Variants in FIGNL2 observed in about 807,000 individuals in gnomAD.
The protein encoded by FIGNL2 is fidgetin-like protein 2.
For missense variants in FIGNL2, 1,060 were observed against 950.2 expected (o/e 1.12, Z -1.52); for synonymous variants, 565 against 484.0 (o/e 1.17, Z -2.20).
Position 51,821,566 on chromosome 12 carries a change from T to C in FIGNL2, c.848A>G (p.Tyr283Cys). The change falls in exon 2 of 2, where the codon TAC (tyrosine) becomes TGC (cysteine). Residue 283 changes from tyrosine (Y) to cysteine (C), a missense_variant. Physicochemically the swap from Tyr to Cys is radical, Grantham distance 194. Coordinates refer to ENST00000618634, the MANE Select transcript of FIGNL2 (RefSeq NM_001384995.1). ...AGCCACGGGGGCCTTGGCGGGCTCG[T>C]ACGCGTACTTGCGGTAGCGGCCCTC... ...GPEGRYRKYA[Y>C]EPAKAPVADG... 1 of 1,540,136 alleles carries C rather than the reference T, an allele frequency of 6.5e-7. No homozygotes were observed. Among genetic ancestry groups the C allele is most frequent in the South Asian group, 1.2e-5 (1 of 83,894 alleles).
In FIGNL2 at chr12:51,821,254, G is replaced by T; in HGVS notation, c.1160C>A (p.Pro387His). 5.2e-6 allele frequency: 8 copies of T among 1,526,010 alleles called. No homozygotes were observed. Among genetic ancestry groups the T allele is most frequent in the Non-Finnish European group, 7.0e-6 (8 of 1,142,608 alleles). 94.5% of individuals were successfully genotyped at this position (1,526,010 alleles called of 1,614,324 possible). The stretch of plus-strand genomic sequence containing the variant: ...CGCCACATCCGCCCACTGCACCGGG[G>T]GCCCGCAGTCCACCATCTTGCTCGT... Reference protein sequence around the residue: ...LVTSKMVDCGPPVQWADVAGQ... With the variant: ...LVTSKMVDCGHPVQWADVAGQ... The change falls in exon 2 of 2, where the codon CCC (proline) becomes CAC (histidine). Residue 387 changes from proline (P) to histidine (H), a missense_variant. Coordinates refer to ENST00000618634, the MANE Select transcript of FIGNL2 (RefSeq NM_001384995.1).
rs1039266481 is a variant in FIGNL2, at chr12:51,822,094, G to C, written c.320C>G (p.Pro107Arg). Residue 107 changes from proline to arginine, a missense_variant, in exon 2 of 2, where the codon CCC becomes CGC. By Grantham distance (103) the Pro-to-Arg change is moderately radical. Transcript: ENST00000618634. Reference sequence around the variant, plus strand: ...GAGGCCTTCGTGGAGTGAGGCCAAGGGGTAGGGTGGCTCCGGCCCTGGCCA... The same window carrying C: ...GAGGCCTTCGTGGAGTGAGGCCAAGCGGTAGGGTGGCTCCGGCCCTGGCCA... ...EPWPGPEPPYPLASLHEGLPG... is the reference protein window; with the variant it reads ...EPWPGPEPPYRLASLHEGLPG... The C allele has an allele frequency of 5.6e-6, 9 of 1,611,328 alleles. No individual in the cohort carries two copies. The highest frequency in any genetic ancestry group is 6.8e-6 in the Non-Finnish European group (8 of 1,178,934).
rs1173924386 is a variant in FIGNL2, at chr12:51,819,867, AAGAAC to A, written c.*580_*584del. The A allele has an allele frequency of 6.4e-6, 1 of 155,686 alleles. No homozygotes were observed. The highest frequency in any genetic ancestry group is 1.4e-5 in the Non-Finnish European group (1 of 70,412). 9.6% of individuals were successfully genotyped at this position (155,686 alleles called of 1,614,324 possible). ...TGCAAAGGGCCACTGCAGTCCAAAT[AAGAAC>A]AGAAGGCAGGGAAAGGCATTAAAGC... On this transcript the variant is annotated 3_prime_UTR_variant, in exon 2 of 2. Transcript: ENST00000618634.
Position 51,821,763 on chromosome 12 carries a change from G to T in FIGNL2, c.651C>A (p.Gly217=), listed in dbSNP as rs1304710327. ...AGGYAAQPGY[G]ALPPPPGPPP... is the part of the protein sequence containing the mutation. Reference sequence around the variant, plus strand: ...GTGGGCCTGGGGGCGGCGGGAGCGCGCCATAGCCGGGCTGCGCTGCGTAGC... The same window carrying T: ...GTGGGCCTGGGGGCGGCGGGAGCGCTCCATAGCCGGGCTGCGCTGCGTAGC... Residue 217 remains glycine, a synonymous_variant, in exon 2 of 2, where the codon GGC becomes GGA. Coordinates refer to ENST00000618634, the MANE Select transcript of FIGNL2 (RefSeq NM_001384995.1). The T allele has an allele frequency of 7.8e-7, 1 of 1,280,344 alleles. No homozygotes were observed. The highest frequency in any genetic ancestry group is 9.8e-7 in the Non-Finnish European group (1 of 1,020,140). 79.3% of individuals were successfully genotyped at this position (1,280,344 alleles called of 1,614,324 possible). A position where few individuals can be genotyped will look rare whatever the true frequency, so the allele number is the denominator to read the frequency against.
At chr12:51,839,824 T>C (rs1369108472) in intron 1 of FIGNL2, among the ~76,000 whole-genome samples, 1 of 152,218 alleles carries the variant, frequency 6.6e-6, no homozygotes, top group Non-Finnish European at 1.5e-5. Context: ...CTGGTACAAG[T>C]GGCTCTCTAG....
intron 1 of FIGNL2, among the ~76,000 whole-genome samples, chr12:51,838,695 G>A (rs564178614): frequency 7.9e-5 from 12 of 152,312 alleles, no homozygotes; most frequent in African/African-American, 2.9e-4. Flanking sequence ...ACTAGCTAGA[G>A]GGGCCACCCA....
chr12:51,843,031 C>A (rs982385333), intron 1 of FIGNL2, among the ~76,000 whole-genome samples: 2 of 152,152 alleles, frequency 1.3e-5, no homozygotes, highest in African/African-American at 4.8e-5. Flanking sequence ...CTGGGGCCAC[C>A]CTTGGGCTCT....
intron 1 of FIGNL2, among the ~76,000 whole-genome samples, chr12:51,836,665 C>T (rs1222589352): frequency 1.3e-5 from 2 of 152,152 alleles, no homozygotes; most frequent in Non-Finnish European, 2.9e-5. Flanking sequence ...CTTGTGGTCA[C>T]TCATCCATCC....
rs780161405 is a variant in FIGNL2, at chr12:51,821,230, G to A, written c.1184C>T (p.Ala395Val). 71 of 1,523,460 alleles carry A rather than the reference G, an allele frequency of 4.7e-5. 1 individual carries two copies. The highest frequency in any genetic ancestry group is 3.9e-4 in the East Asian group (15 of 38,904). The allele number at this position is 1,523,460 out of a possible 1,614,324, so 94.4% of individuals were successfully genotyped here. A position where few individuals can be genotyped will look rare whatever the true frequency, so the allele number is the denominator to read the frequency against. Residue 395 changes from alanine (A) to valine (V), a missense_variant, in exon 2 of 2, where the codon GCG becomes GTG. Physicochemically the swap from Ala to Val is moderately conservative, Grantham distance 64. Coordinates refer to ENST00000618634, the MANE Select transcript of FIGNL2 (RefSeq NM_001384995.1). ...CGCCGCCTTGAGCGCGCCCTGGCCC[G>A]CCACATCCGCCCACTGCACCGGGGG... is the stretch of plus-strand genomic sequence containing the variant. ...CGPPVQWADVAGQGALKAALE... is the reference protein window; with the variant it reads ...CGPPVQWADVVGQGALKAALE...
intron 1 of FIGNL2, chr12:51,826,022 A>G (rs565599678): frequency 6.6e-6 from 1 of 152,296 alleles, no homozygotes; most frequent in East Asian, 1.9e-4. Flanking sequence ...AGCCAGGGCA[A>G]AAAATGAAGT....
At chr12:51,845,800 GC>G in intron 1 of FIGNL2, 1 of 304,146 alleles carries the variant, frequency 3.3e-6, no homozygotes, top group Non-Finnish European at 4.8e-6. Flanking sequence ...GGGAGTCCTG[GC>G]CCAGATAATA....
rs1939138941 is a variant in FIGNL2, at chr12:51,820,225, C to A, written c.*227G>T. ...GGGCGGAGATGGCGAGCTTCCAGTC[C>A]ACAATAAATAGGAAAAACCTGAGTA... is the stretch of plus-strand genomic sequence containing the variant. On this transcript the variant is annotated 3_prime_UTR_variant, in exon 2 of 2. Coordinates refer to ENST00000618634, the MANE Select transcript of FIGNL2 (RefSeq NM_001384995.1). The A allele has an allele frequency of 1.7e-6, 1 of 581,350 alleles. No homozygotes were observed. The highest frequency in any genetic ancestry group is 2.9e-6 in the Non-Finnish European group (1 of 346,522). The allele number at this position is 581,350 out of a possible 1,614,324, so 36.0% of individuals were successfully genotyped here.
intron 1 of FIGNL2, among the ~76,000 whole-genome samples, chr12:51,834,113 A>ATGGG (rs1565946393): frequency 3.4e-5 from 5 of 146,416 alleles, no homozygotes; most frequent in Admixed American, 6.6e-5. Flanking sequence ...GGATGGTTGG[A>ATGGG]TGGATGGATG....
chr12:51,845,412 T>TA (rs1221454523), intron 1 of FIGNL2: 2 of 958,934 alleles, frequency 2.1e-6, no homozygotes, highest in Non-Finnish European at 2.5e-6. Context: ...AGCCCAAGGC[T>TA]AAGGTAGCAG....
Position 51,822,250 on chromosome 12 carries a change from G to A in FIGNL2, c.164C>T (p.Thr55Ile), listed in dbSNP as rs1317781530. The A allele has an allele frequency of 1.2e-6, 2 of 1,611,462 alleles. No homozygotes were observed. The highest frequency in any genetic ancestry group is 1.7e-6 in the Non-Finnish European group (2 of 1,178,872). ...AWAHDDISAL[T>I]ASNLLKRYAE... ...ATAGCGCTTTAGGAGGTTGGAGGCA[G>A]TGAGGGCTGAGATGTCGTCGTGTGC... is the stretch of plus-strand genomic sequence containing the variant. Residue 55 changes from threonine (T) to isoleucine (I), a missense_variant, in exon 2 of 2, where the codon ACT becomes ATT. Thr to Ile is a moderately conservative substitution (Grantham distance 89, BLOSUM62 -1). Transcript: ENST00000618634.
In FIGNL2 at chr12:51,821,271, C is replaced by A. The variant is rs539583759; in HGVS notation, c.1143G>T (p.Lys381Asn). 27 of 1,525,244 alleles carry A rather than the reference C, an allele frequency of 1.8e-5. No homozygotes were observed. The South Asian group carries it at 2.5e-4, about 14-fold the overall frequency. 94.5% of individuals were successfully genotyped at this position (1,525,244 alleles called of 1,614,324 possible). ...DPGALELVTS[K>N]MVDCGPPVQW... Reference sequence around the variant, plus strand: ...GCACCGGGGGCCCGCAGTCCACCATCTTGCTCGTCACCAGCTCCAGGGCCC... The same window carrying A: ...GCACCGGGGGCCCGCAGTCCACCATATTGCTCGTCACCAGCTCCAGGGCCC... The change falls in exon 2 of 2, where the codon AAG (lysine) becomes AAT (asparagine). Residue 381 changes from lysine (K) to asparagine (N), a missense_variant. Lys to Asn is a moderately conservative substitution (Grantham distance 94, BLOSUM62 0). Transcript: ENST00000618634.
Position 51,820,372 on chromosome 12 carries a change from G to A in FIGNL2, c.*80C>T. On this transcript the variant is annotated 3_prime_UTR_variant, in exon 2 of 2. Transcript: ENST00000618634. Reference sequence around the variant, plus strand: ...CACCACTCCAGCCCCTGCCAGCCGGGTTTAGTCAGTGACATCCCTCCCACG... The same window carrying A: ...CACCACTCCAGCCCCTGCCAGCCGGATTTAGTCAGTGACATCCCTCCCACG... 2.0e-6 allele frequency: 3 copies of A among 1,523,068 alleles called. No individual in the cohort carries two copies. The highest frequency in any genetic ancestry group is 2.6e-6 in the Non-Finnish European group (3 of 1,139,870). 94.3% of individuals were successfully genotyped at this position (1,523,068 alleles called of 1,614,324 possible). A position where few individuals can be genotyped will look rare whatever the true frequency, so the allele number is the denominator to read the frequency against.
chr12:51,821,918 A>G lies in FIGNL2; in HGVS notation c.496T>C (p.Tyr166His), dbSNP rs899821177. The G allele has an allele frequency of 6.7e-7, 1 of 1,486,470 alleles. No homozygotes were observed. The highest frequency in any genetic ancestry group is 8.9e-7 in the Non-Finnish European group (1 of 1,121,688). The allele number at this position is 1,486,470 out of a possible 1,614,324, so 92.1% of individuals were successfully genotyped here. ...TGCGCGCAGTAACCCGGCGCCAGGT[A>G]CCCCCCGCCGTAGCCGGCCGCGTAC... ...PEYAAGYGGG[Y>H]LAPGYCAQTG... The change falls in exon 2 of 2, where the codon TAC (tyrosine) becomes CAC (histidine). Residue 166 changes from tyrosine to histidine, a missense_variant. Physicochemically the swap from Tyr to His is moderately conservative, Grantham distance 83 (BLOSUM62 2). Coordinates refer to ENST00000618634, the MANE Select transcript of FIGNL2 (RefSeq NM_001384995.1).
rs1356134202 is a variant in FIGNL2, at chr12:51,848,670, A to G, written c.-142T>C. The G allele has an allele frequency of 4.7e-5, 20 of 426,752 alleles. No homozygotes were observed. Among genetic ancestry groups the G allele is most frequent in the African/African-American group, 4.3e-4 (20 of 46,370 alleles). 26.4% of individuals were successfully genotyped at this position (426,752 alleles called of 1,614,324 possible). A position where few individuals can be genotyped will look rare whatever the true frequency, so the allele number is the denominator to read the frequency against. The stretch of plus-strand genomic sequence containing the variant: ...GGGGCAGTGGCGCTCACCATCCTGG[A>G]GCCGCTGCTGCTGCGGCTGCTGCGG... On this transcript the variant is annotated 5_prime_UTR_variant, in exon 1 of 2. Coordinates refer to ENST00000618634, the MANE Select transcript of FIGNL2 (RefSeq NM_001384995.1).
Sources: gnomAD v4.1 joint callset for allele counts (sites outside exome capture counted in the v4.1 genomes callset) on GRCh38, gnomAD v4.1.1 for gene constraint, MANE v1.5 for transcripts, NCBI Gene and HGNC (gene_info 2026-07-23, HGNC 2026-07-21) for gene names.